Variants in NAA60 observed in about 807,000 individuals in gnomAD.
The protein encoded by NAA60 is N-alpha-acetyltransferase 60.
In NAA60, 8 loss-of-function variants were observed where a neutral mutation model predicts 26.1. That is an observed-to-expected ratio of 0.31 (90% CI 0.18 to 0.55). The LOEUF is 0.55. Among genes scored for constraint, NAA60 ranks in the 20% least tolerant of loss-of-function variants. NAA60 has a pLI of 0.93. For missense variants in NAA60, 290 were observed against 311.3 expected (o/e 0.93, Z 0.51); for synonymous variants, 131 against 122.5 (o/e 1.07, Z -0.46).
chr16:3,448,149 C>G (rs1211729138), intron 1 of NAA60, among the ~76,000 whole-genome samples: 3 of 151,974 alleles, frequency 2.0e-5, no homozygotes, highest in Admixed American at 6.6e-5. Context: ...TCACTCACAC[C>G]TATAATTCCA....
chr16:3,447,575 T>C, intron 1 of NAA60: 1 of 985,428 alleles, frequency 1.0e-6, no homozygotes, highest in Non-Finnish European at 1.2e-6. Flanking sequence ...TTGATACTGA[T>C]CGGAAACTGA....
intron 3 of NAA60, among the ~76,000 whole-genome samples, chr16:3,476,969 C>A (rs250628): frequency 0.28 from 41,851 of 151,488 alleles, 6,010 homozygotes; most frequent in Non-Finnish European, 0.31. Flanking sequence ...TGAACCCAGG[C>A]GGTGGAGGTT....
intron 6 of NAA60, 69 bp from the exon 7 acceptor site, chr16:3,484,630 G>A: frequency 1.3e-6 from 2 of 1,537,826 alleles, no homozygotes; most frequent in South Asian, 2.4e-5. Context: ...CCACTGCGCG[G>A]GCCCCTGATG....
At chr16:3,443,916 G>A (rs1405097759) in intron 1 of NAA60, 79 bp downstream of exon 1, 7 of 1,463,994 alleles carry the variant, frequency 4.8e-6, no homozygotes, top group Non-Finnish European at 5.4e-6. Flanking sequence ...GCGGGGGTTC[G>A]GGCCTAGCCT....
chr16:3,472,232 A>T (rs1042483401), intron 2 of NAA60: 2 of 152,162 alleles, frequency 1.3e-5, no homozygotes, highest in African/African-American at 4.8e-5. Context: ...CACCGTTCCC[A>T]GGGATACAAG....
chr16:3,467,205 C>T (rs952385703), intron 2 of NAA60, among the ~76,000 whole-genome samples: 3 of 152,172 alleles, frequency 2.0e-5, no homozygotes, highest in East Asian at 3.9e-4. Flanking sequence ...CTTCAGGCCA[C>T]GGCTGAGAAG....
chr16:3,463,551 T>TAAA lies in NAA60; in HGVS notation c.-6-12651_-6-12649dup, dbSNP rs71133639. Among the ~76,000 whole-genome samples the TAAA allele has an allele frequency of 1.5e-3, 168 of 113,898 alleles. 1 individual carries two copies. The highest frequency in any genetic ancestry group is 4.2e-3 in the Middle Eastern group (1 of 236). The allele number at this position is 113,898 out of a possible 152,430, so 74.7% of individuals were successfully genotyped here. ...TGAGTGACAGAGTGAGACCCTGTGTTAAAAAAAAAAAAAAAAAAAAAATGC... is the reference window on the plus strand; with the variant it reads ...TGAGTGACAGAGTGAGACCCTGTGTTAAAAAAAAAAAAAAAAAAAAAAAAATGC... On this transcript the variant is annotated intron_variant, in intron 2 of 7. Transcript: ENST00000407558.
chr16:3,483,241 C>G (rs2036959560), intron 5 of NAA60, 122 bp from the exon 6 acceptor site: 1 of 734,750 alleles, frequency 1.4e-6, no homozygotes, highest in African/African-American at 1.8e-5. Context: ...TGAAGAAAGG[C>G]TGGTCTCTGA....
intron 2 of NAA60, among the ~76,000 whole-genome samples, chr16:3,456,186 C>T (rs950550582): frequency 6.6e-6 from 1 of 152,206 alleles, no homozygotes; most frequent in Admixed American, 6.5e-5. Context: ...TCAAACTGTA[C>T]TGTGCTTGTT....
intron 2 of NAA60, among the ~76,000 whole-genome samples, chr16:3,460,195 C>T (rs548837594): frequency 7.9e-4 from 120 of 152,280 alleles, no homozygotes; most frequent in African/African-American, 2.8e-3. Flanking sequence ...GTCCCATTTG[C>T]TTGGTGACAT....
chr16:3,460,031 A>G (rs2035276886), intron 2 of NAA60, among the ~76,000 whole-genome samples: 1 of 152,192 alleles, frequency 6.6e-6, no homozygotes, highest in African/African-American at 2.4e-5. Flanking sequence ...GTAACTGGAG[A>G]CGGGGTGTAC....
chr16:3,484,538 A>C, intron 6 of NAA60, 161 bp from the exon 7 acceptor site: 2 of 936,632 alleles, frequency 2.1e-6, no homozygotes, highest in Non-Finnish European at 3.1e-6. Context: ...ACTTCGTCTC[A>C]TGAGCCTTTC....
At chr16:3,476,483 C>T (rs1396972589) in intron 3 of NAA60, 146 bp downstream of exon 3, 3 of 638,238 alleles carry the variant, frequency 4.7e-6, no homozygotes, top group South Asian at 2.0e-5. Flanking sequence ...TCCCAGGTTA[C>T]CCACCTCATC....
intron 2 of NAA60, among the ~76,000 whole-genome samples, chr16:3,474,686 C>G (rs2036365732): frequency 6.6e-6 from 1 of 152,182 alleles, no homozygotes; most frequent in Non-Finnish European, 1.5e-5. Flanking sequence ...TCCTGGGGGC[C>G]CAGGGGCTTG....
intron 5 of NAA60, 39 bp downstream of exon 5, chr16:3,482,637 C>T (rs1269805999): frequency 1.4e-6 from 2 of 1,450,026 alleles, no homozygotes; most frequent in South Asian, 1.2e-5. Flanking sequence ...GCCCACCCCA[C>T]CCCCTTGCCC....
At chr16:3,456,618 C>G (rs2035008604) in intron 2 of NAA60, 1 of 152,136 alleles carries the variant, frequency 6.6e-6, no homozygotes. Context: ...GGCACATAGC[C>G]TGATCCTGCT....
Position 3,484,909 on chromosome 16 carries a change from G to T in NAA60, c.*54G>T. 1 of 1,547,640 alleles carries T rather than the reference G, an allele frequency of 6.5e-7. No homozygotes were observed. The highest frequency in any genetic ancestry group is 2.4e-5 in the East Asian group (1 of 40,932). On this transcript the variant is annotated 3_prime_UTR_variant, in exon 7 of 8. Transcript: ENST00000407558. Reference sequence around the variant, plus strand: ...CACCCTTCGGCCGCCCGCAGAGCCCGCCTTCCTGTCCATCTGACCCCTTCT... The same window carrying T: ...CACCCTTCGGCCGCCCGCAGAGCCCTCCTTCCTGTCCATCTGACCCCTTCT...
intron 2 of NAA60, among the ~76,000 whole-genome samples, chr16:3,462,342 A>G (rs888066483): frequency 1.4e-4 from 22 of 152,278 alleles, no homozygotes; most frequent in African/African-American, 5.1e-4. Context: ...ATGTTAATGC[A>G]ACAATATTTC....
At chr16:3,462,244 A>G (rs949180095) in intron 2 of NAA60, among the ~76,000 whole-genome samples, 1 of 152,150 alleles carries the variant, frequency 6.6e-6, no homozygotes, top group Non-Finnish European at 1.5e-5. Flanking sequence ...CTTGAAAACA[A>G]CTAACTATTG....
Sources: gnomAD v4.1 joint callset for allele counts (sites outside exome capture counted in the v4.1 genomes callset) on GRCh38, gnomAD v4.1.1 for gene constraint, MANE v1.5 for transcripts, NCBI Gene and HGNC (gene_info 2026-07-23, HGNC 2026-07-21) for gene names.